The following GUCY1A2 variants were observed in gnomAD, a reference collection of about 807,000 sequenced individuals.
GUCY1A2 encodes guanylate cyclase soluble subunit alpha-2.
In GUCY1A2, 27 loss-of-function variants were observed where a neutral mutation model predicts 63.5. The observed-to-expected ratio is 0.43, with a 90% confidence interval of 0.31 to 0.59. The LOEUF (loss-of-function observed/expected upper bound fraction) is 0.59, where lower values mean the gene tolerates loss of function less well. Ranked by LOEUF, GUCY1A2 falls within the 20% of genes least tolerant of loss-of-function variation. The pLI is 0.11. For missense variants in GUCY1A2, 768 were observed against 913.3 expected (o/e 0.84, Z 2.05); for synonymous variants, 364 against 343.5 (o/e 1.06, Z -0.66).
rs947927955 is a variant in GUCY1A2, at chr11:106,986,034, T to C, written c.365+36A>G. On this transcript the variant is annotated intron_variant, in intron 2 of 7. Coordinates refer to ENST00000526355, the MANE Select transcript of GUCY1A2 (RefSeq NM_000855.3). ...TATGTTTGAGTAATTACCTTTAATT[T>C]GTCCCCAATAATAACCGAAATCAAT... 4 of 1,010,098 alleles carry C rather than the reference T, an allele frequency of 4.0e-6. No homozygotes were observed. The African/African-American group carries it at 4.7e-5, about 12-fold the overall frequency. The allele number at this position is 1,010,098 out of a possible 1,614,324, so 62.6% of individuals were successfully genotyped here.
chr11:106,706,244 A>G (rs1862907961), intron 7 of GUCY1A2, among the ~76,000 whole-genome samples: 2 of 152,194 alleles, frequency 1.3e-5, no homozygotes, highest in African/African-American at 4.8e-5. Flanking sequence ...ATTCAGGGAT[A>G]AAATAGAGAT....
chr11:107,017,695 CT>C, intron 1 of GUCY1A2, 57 bp downstream of exon 1: 1 of 1,117,102 alleles, frequency 9.0e-7, no homozygotes, highest in Non-Finnish European at 1.2e-6. Flanking sequence ...CCAGCGCCAA[CT>C]TTACAGATCC....
chr11:106,767,020 C>G (rs1405421234), intron 6 of GUCY1A2, among the ~76,000 whole-genome samples: 1 of 152,032 alleles, frequency 6.6e-6, no homozygotes, highest in African/African-American at 2.4e-5. Context: ...TCTCACACTT[C>G]TAAAGCACAC....
intron 1 of GUCY1A2, among the ~76,000 whole-genome samples, chr11:107,000,489 TA>T (rs1448803379): frequency 6.6e-6 from 1 of 152,214 alleles, no homozygotes; most frequent in African/African-American, 2.4e-5. Flanking sequence ...GTTAAGGAAG[TA>T]AAAGACATTT....
chr11:106,996,854 A>C (rs1861546103), intron 1 of GUCY1A2, among the ~76,000 whole-genome samples: 1 of 152,200 alleles, frequency 6.6e-6, no homozygotes, highest in African/African-American at 2.4e-5. Context: ...TCTGAATATA[A>C]TTGGATCTAG....
At chr11:106,949,008 T>C (rs1028429112) in intron 3 of GUCY1A2, among the ~76,000 whole-genome samples, 1 of 152,312 alleles carries the variant, frequency 6.6e-6, no homozygotes, top group Non-Finnish European at 1.5e-5. Flanking sequence ...AAAAGATGCT[T>C]GATTTTGTAT....
rs540700346 is a variant in GUCY1A2, at chr11:106,762,643, T to A, written c.1836+13796A>T. 5.9e-5 allele frequency among the ~76,000 whole-genome samples: 9 copies of A among 152,272 alleles called. No individual in the cohort carries two copies. In the South Asian group the frequency reaches 1.9e-3, roughly 32 times the overall value. On this transcript the variant is annotated intron_variant, in intron 6 of 7. Transcript: ENST00000526355. Reference sequence around the variant, plus strand: ...TGATCTATTTTCTGTATACTACATATAAATTGATTCTAATATTTTACATTT... The same window carrying A: ...TGATCTATTTTCTGTATACTACATAAAAATTGATTCTAATATTTTACATTT...
intron 5 of GUCY1A2, among the ~76,000 whole-genome samples, chr11:106,782,496 G>A (rs1260308330): frequency 6.6e-6 from 1 of 152,156 alleles, no homozygotes; most frequent in Non-Finnish European, 1.5e-5. Context: ...GGGCTTATTG[G>A]CTGTCACCAA....
At chr11:106,747,970 A>G (rs1428326717) in intron 6 of GUCY1A2, among the ~76,000 whole-genome samples, 1 of 152,236 alleles carries the variant, frequency 6.6e-6, no homozygotes, top group East Asian at 1.9e-4. Context: ...TGGCTGTGAT[A>G]TCCTTAAACA....
At chr11:106,883,706 G>A (rs1440461291) in intron 4 of GUCY1A2, among the ~76,000 whole-genome samples, 2 of 151,880 alleles carry the variant, frequency 1.3e-5, no homozygotes, top group African/African-American at 2.4e-5. Flanking sequence ...AAAGATAAGA[G>A]GCTAAAAGTA....
chr11:106,991,896 C>T (rs1372535847), intron 1 of GUCY1A2, among the ~76,000 whole-genome samples: 1 of 152,180 alleles, frequency 6.6e-6, no homozygotes, highest in African/African-American at 2.4e-5. Flanking sequence ...TTACGCCAGG[C>T]ACTGCTTTAA....
intron 5 of GUCY1A2, among the ~76,000 whole-genome samples, chr11:106,806,922 CTGA>C (rs1373243348): frequency 1.2e-4 from 18 of 152,228 alleles, no homozygotes; most frequent in Admixed American, 9.2e-4. Context: ...TATCATCTGC[CTGA>C]TGATAGGAAA....
At chr11:106,804,501 C>G (rs983840370) in intron 5 of GUCY1A2, among the ~76,000 whole-genome samples, 2 of 152,106 alleles carry the variant, frequency 1.3e-5, no homozygotes, top group African/African-American at 4.8e-5. Context: ...GGCAACAAAA[C>G]AAGGTGGAAG....
intron 1 of GUCY1A2, among the ~76,000 whole-genome samples, chr11:107,012,266 T>TC (rs1414044167): frequency 6.6e-6 from 1 of 151,478 alleles, no homozygotes; most frequent in Non-Finnish European, 1.5e-5. Context: ...ATTACTTTTT[T>TC]TTTTTTTTTC....
At chr11:106,848,436 C>T (rs1859307099) in intron 4 of GUCY1A2, among the ~76,000 whole-genome samples, 1 of 151,584 alleles carries the variant, frequency 6.6e-6, no homozygotes, top group African/African-American at 2.4e-5. Context: ...CAACATGTAC[C>T]TGGCAGTGAA....
At chr11:106,936,637 G>C in intron 4 of GUCY1A2, 1 of 1,488,644 alleles carries the variant, frequency 6.7e-7, no homozygotes, top group Non-Finnish European at 9.0e-7. Context: ...ATCTGGAAGA[G>C]TTTTTTTCTA....
At chr11:106,834,188 C>T (rs1418121906) in intron 4 of GUCY1A2, among the ~76,000 whole-genome samples, 1 of 151,872 alleles carries the variant, frequency 6.6e-6, no homozygotes, top group East Asian at 1.9e-4. Context: ...CAAATGTGCA[C>T]CCTTTGACCA....
chr11:106,798,236 G>A (rs1414309495), intron 5 of GUCY1A2, among the ~76,000 whole-genome samples: 2 of 152,084 alleles, frequency 1.3e-5, no homozygotes, highest in African/African-American at 4.8e-5. Context: ...TCCCTGAATA[G>A]ACCCATAACA....
rs1862488071 is a variant in GUCY1A2 at position 106,684,471 on chromosome 11, T to C, written c.*3078A>G. The C allele has an allele frequency of 5.2e-6, 1 of 191,122 alleles. No homozygotes were observed. Among genetic ancestry groups the C allele is most frequent in the Non-Finnish European group, 1.1e-5 (1 of 91,230 alleles). The allele number at this position is 191,122 out of a possible 1,614,324, so 11.8% of individuals were successfully genotyped here. On this transcript the variant is annotated 3_prime_UTR_variant, in exon 8 of 8. Transcript: ENST00000526355. ...TATTATGGCCAATGTTACCTAATGA[T>C]TAAGGTCCACAAAGAAGATACAGGG...
Sources: gnomAD v4.1 joint callset for allele counts (sites outside exome capture counted in the v4.1 genomes callset) on GRCh38, gnomAD v4.1.1 for gene constraint, MANE v1.5 for transcripts, NCBI Gene and HGNC (gene_info 2026-07-23, HGNC 2026-07-21) for gene names.